The following CADM1 variants were observed in gnomAD, a reference collection of about 807,000 sequenced individuals.
CADM1 encodes cell adhesion molecule 1, also known as TSLC-1.
CADM1 carries 15 observed loss-of-function variants against 53.1 expected under a neutral mutation model. The ratio of observed to expected loss-of-function variants is 0.28; its 90% CI spans 0.19 to 0.44. The LOEUF (loss-of-function observed/expected upper bound fraction) is 0.44. Among genes scored for constraint, CADM1 ranks in the 20% least tolerant of loss-of-function variants. The pLI, the probability that CADM1 is intolerant of heterozygous loss-of-function variation, is 1.00. For missense variants in CADM1, 434 were observed against 611.3 expected (o/e 0.71, Z 3.06); for synonymous variants, 281 against 243.0 (o/e 1.16, Z -1.45).
At chr11:115,215,886 AATG>A (rs1295583724) in intron 6 of CADM1, among the ~76,000 whole-genome samples, 1 of 152,236 alleles carries the variant, frequency 6.6e-6, no homozygotes. Context: ...ACCCATGCTT[AATG>A]ATGAACGGAT....
chr11:115,411,838 T>TA, intron 1 of CADM1, among the ~76,000 whole-genome samples: 1 of 152,064 alleles, frequency 6.6e-6, no homozygotes, highest in Non-Finnish European at 1.5e-5. Context: ...CAGAGTTTGA[T>TA]AAAAACAAAT....
chr11:115,275,312 G>A (rs1489917200), intron 1 of CADM1, among the ~76,000 whole-genome samples: 4 of 152,134 alleles, frequency 2.6e-5, no homozygotes, highest in African/African-American at 9.7e-5. Flanking sequence ...CAGTGCAGGT[G>A]CGATTTCCTT....
In CADM1 at chr11:115,454,498, G is replaced by C. The variant is rs1326072895; in HGVS notation, c.124+49773C>G. Among the ~76,000 whole-genome samples the C allele has an allele frequency of 7.2e-5, 11 of 152,258 alleles. No homozygotes were observed. The East Asian group carries it at 2.1e-3, about 29-fold the overall frequency. ...CTTTCAACATTTCATGTTTACTGTAGGGCTAAATTTTTGAAAATACGTTCA... is the reference window on the plus strand; with the variant it reads ...CTTTCAACATTTCATGTTTACTGTACGGCTAAATTTTTGAAAATACGTTCA... On this transcript the variant is annotated intron_variant, in intron 1 of 11. Coordinates refer to ENST00000331581, the MANE Select transcript of CADM1 (RefSeq NM_001301043.2).
At chr11:115,178,844 G>A (rs890759763) in intron 10 of CADM1, 69 bp from the exon 11 acceptor site, 12 of 1,547,354 alleles carry the variant, frequency 7.8e-6, no homozygotes, top group Admixed American at 6.7e-5. Flanking sequence ...CGGCGACACT[G>A]TCTCCAGGGT....
At chr11:115,297,194 C>G (rs1217984068) in intron 1 of CADM1, among the ~76,000 whole-genome samples, 1 of 152,160 alleles carries the variant, frequency 6.6e-6, no homozygotes, top group Non-Finnish European at 1.5e-5. Context: ...TATTAGAAAG[C>G]TCTCAGTTTT....
intron 10 of CADM1, among the ~76,000 whole-genome samples, chr11:115,181,967 G>A (rs778868632): frequency 6.6e-6 from 1 of 152,184 alleles, no homozygotes; most frequent in Admixed American, 6.5e-5. Context: ...GCATGGCTGC[G>A]ACAAAGTCTG....
intron 1 of CADM1, among the ~76,000 whole-genome samples, chr11:115,367,802 G>T (rs1591752658): frequency 6.6e-6 from 1 of 151,804 alleles, no homozygotes; most frequent in East Asian, 1.9e-4. Context: ...TCCAGAAGTA[G>T]ATACTTTATA....
At chr11:115,254,536 C>T (rs982113945) in intron 1 of CADM1, among the ~76,000 whole-genome samples, 17 of 145,326 alleles carry the variant, frequency 1.2e-4, no homozygotes, top group Non-Finnish European at 1.5e-4. Flanking sequence ...GTTCCTAATG[C>T]GCAAGGGAGA....
At chr11:115,255,030 T>C (rs1942737984) in intron 1 of CADM1, among the ~76,000 whole-genome samples, 2 of 151,950 alleles carry the variant, frequency 1.3e-5, no homozygotes, top group African/African-American at 2.4e-5. Flanking sequence ...CAGGAGCTGA[T>C]AAGAGTCAGG....
At chr11:115,186,657 TTC>T (rs1194956097) in intron 10 of CADM1, among the ~76,000 whole-genome samples, 2 of 152,184 alleles carry the variant, frequency 1.3e-5, no homozygotes, top group Non-Finnish European at 2.9e-5. Context: ...CCAAGAGCCC[TTC>T]CTTAACAATC....
chr11:115,487,193 A>T (rs1428539897), intron 1 of CADM1, among the ~76,000 whole-genome samples: 3 of 152,262 alleles, frequency 2.0e-5, no homozygotes, highest in African/African-American at 7.2e-5. Flanking sequence ...TTTCAAAGAG[A>T]ATCTTATGGG....
chr11:115,440,025 C>G (rs910837418), intron 1 of CADM1, among the ~76,000 whole-genome samples: 1 of 152,196 alleles, frequency 6.6e-6, no homozygotes, highest in Admixed American at 6.5e-5. Context: ...TTTGCCAGGG[C>G]AGGCTTGATT....
At chr11:115,301,586 A>G (rs549442379) in intron 1 of CADM1, among the ~76,000 whole-genome samples, 1 of 152,222 alleles carries the variant, frequency 6.6e-6, no homozygotes, top group Non-Finnish European at 1.5e-5. Context: ...AGACCTTTGT[A>G]CTTTACTGAT....
At chr11:115,302,561 T>C (rs1184832929) in intron 1 of CADM1, among the ~76,000 whole-genome samples, 2 of 152,098 alleles carry the variant, frequency 1.3e-5, no homozygotes, top group African/African-American at 4.8e-5. Flanking sequence ...TGTGTTAGCT[T>C]TGTAAAGTTT....
At chr11:115,312,563 T>C (rs556366453) in intron 1 of CADM1, among the ~76,000 whole-genome samples, 2 of 152,250 alleles carry the variant, frequency 1.3e-5, no homozygotes, top group African/African-American at 4.8e-5. Context: ...CAACAAGATA[T>C]ATCAAGGAAG....
intron 9 of CADM1, among the ~76,000 whole-genome samples, chr11:115,194,663 A>G (rs1940062615): frequency 6.6e-6 from 1 of 152,118 alleles, no homozygotes; most frequent in East Asian, 1.9e-4. Flanking sequence ...GAGGGGAGAG[A>G]AGGGGCACAG....
chr11:115,194,589 G>A (rs1940058875), intron 9 of CADM1, among the ~76,000 whole-genome samples: 1 of 152,168 alleles, frequency 6.6e-6, no homozygotes, highest in Admixed American at 6.5e-5. Flanking sequence ...GAGATCATCA[G>A]CCTCTACTGT....
Position 115,415,823 on chromosome 11 carries a change from C to CAAAA in CADM1, c.124+88444_124+88447dup, listed in dbSNP as rs71066426. Among the ~76,000 whole-genome samples the CAAAA allele has an allele frequency of 2.3e-4, 10 of 43,660 alleles. No individual in the cohort carries two copies. In the East Asian group the frequency reaches 4.4e-3, roughly 19 times the overall value. The allele number at this position is 43,660 out of a possible 152,430, so 28.6% of individuals were successfully genotyped here. A position where few individuals can be genotyped will look rare whatever the true frequency, so the allele number is the denominator to read the frequency against. On this transcript the variant is annotated intron_variant, in intron 1 of 11. Transcript: ENST00000331581. ...TCAGGCAACAGAGTGAGACTGTCTC[C>CAAAA]AAAAAAAAAAAAAAAAAAAAAAAAA...
intron 5 of CADM1, among the ~76,000 whole-genome samples, chr11:115,228,180 T>A (rs1175737195): frequency 6.6e-6 from 1 of 152,180 alleles, no homozygotes; most frequent in Admixed American, 6.5e-5. Context: ...GATCCATCCC[T>A]ACAGTCTTTG....
Sources: allele counts gnomAD v4.1 joint callset (sites outside exome capture counted in the v4.1 genomes callset), GRCh38; gene constraint gnomAD v4.1.1; transcripts MANE v1.5; gene names NCBI Gene and HGNC (gene_info 2026-07-23, HGNC 2026-07-21).